Variants in SMAD5 observed in about 807,000 individuals in gnomAD.
SMAD5 encodes the protein SMAD family member 5, also known as MAD, mothers against decapentaplegic homolog 5.
Under a neutral mutation model 43.1 loss-of-function variants are expected in SMAD5, and 9 were observed. The observed-to-expected ratio is 0.21, with a 90% CI of 0.13 to 0.36. The LOEUF (loss-of-function observed/expected upper bound fraction) is 0.36, where lower values mean the gene tolerates loss of function less well. Ranked by LOEUF, SMAD5 falls within the 10% of genes least tolerant of loss-of-function variation. The probability of loss-of-function intolerance (pLI) is 1.00; values close to 1 mark genes in which losing one functional copy is unlikely to be tolerated. For synonymous variants in SMAD5, 190 were observed against 192.4 expected, an observed-to-expected ratio of 0.99 and a Z score of 0.10; for missense variants, 348 against 574.0, an observed-to-expected ratio of 0.61 and a Z score of 4.02.
chr5:136,176,252 G>C (rs1021560150), intron 7 of SMAD5, among the ~76,000 whole-genome samples: 9 of 151,542 alleles, frequency 5.9e-5, no homozygotes, highest in African/African-American at 2.2e-4. Flanking sequence ...TCAGGAGTTC[G>C]AGACCAGCCT....
rs146273597 is a variant in SMAD5 at position 136,175,039 on chromosome 5, C to A, written c.1254+407C>A. On this transcript the variant is annotated intron_variant, in intron 7 of 7. Coordinates refer to ENST00000545279, the MANE Select transcript of SMAD5 (RefSeq NM_005903.7). Reference sequence around the variant, plus strand: ...GGCTGGGGAAGCCTCACAATCATGGCGGAAGGTGAAGGAGGAGCAAAGTCA... The same window carrying A: ...GGCTGGGGAAGCCTCACAATCATGGAGGAAGGTGAAGGAGGAGCAAAGTCA... Among the ~76,000 whole-genome samples the A allele has an allele frequency of 1.0e-3, 154 of 151,218 alleles. 1 individual carries two copies. The highest frequency in any genetic ancestry group is 3.6e-3 in the African/African-American group (147 of 41,218).
intron 5 of SMAD5, among the ~76,000 whole-genome samples, chr5:136,165,663 T>A (rs965329435): frequency 1.0e-4 from 2 of 19,316 alleles, no homozygotes; most frequent in Non-Finnish European, 1.6e-4. Flanking sequence ...AATCATACAA[T>A]TTTTTTTTTT....
At chr5:136,169,830 A>G (rs1475001017) in intron 5 of SMAD5, among the ~76,000 whole-genome samples, 1 of 152,190 alleles carries the variant, frequency 6.6e-6, no homozygotes, top group Non-Finnish European at 1.5e-5. Context: ...GTGTAGTAGT[A>G]TCTCATAGTT....
chr5:136,153,050 A>G (rs972739298), intron 2 of SMAD5, among the ~76,000 whole-genome samples: 3 of 152,202 alleles, frequency 2.0e-5, no homozygotes, highest in Non-Finnish European at 2.9e-5. Context: ...GGTTTGGTAC[A>G]TCTTATACAA....
chr5:136,154,462 C>T (rs1451496579), intron 3 of SMAD5, among the ~76,000 whole-genome samples: 2 of 152,142 alleles, frequency 1.3e-5, no homozygotes, highest in Admixed American at 1.3e-4. Flanking sequence ...CAAGTGTGTA[C>T]TATATCCCAT....
intron 1 of SMAD5, among the ~76,000 whole-genome samples, chr5:136,142,199 A>T (rs1753104221): frequency 6.6e-6 from 1 of 152,146 alleles, no homozygotes; most frequent in Non-Finnish European, 1.5e-5. Context: ...AAATGTAAAA[A>T]CATAGGTGTG....
At position 136,160,109 on chromosome 5, in the gene SMAD5, TA is replaced by T. The variant is rs151187885; in HGVS notation, c.404-742del. ...GAATATTTGAATAAAGTTTATCTCT[TA>T]AAAATGTATCTGTTAAAAATGTTTA... On this transcript the variant is annotated intron_variant, in intron 3 of 7. Coordinates refer to ENST00000545279, the MANE Select transcript of SMAD5 (RefSeq NM_005903.7). Among the ~76,000 whole-genome samples the T allele has an allele frequency of 3.3e-3, 496 of 152,328 alleles. 7 individuals carry two copies. Among genetic ancestry groups the T allele is most frequent in the African/African-American group, 0.01 (434 of 41,582 alleles).
chr5:136,151,192 G>A (rs1003826870), intron 2 of SMAD5, among the ~76,000 whole-genome samples: 7 of 152,122 alleles, frequency 4.6e-5, no homozygotes, highest in Non-Finnish European at 1.5e-5. Flanking sequence ...GAGGGCAGAC[G>A]AGACTACCTG....
chr5:136,165,874 T>C (rs1314542581), intron 5 of SMAD5, among the ~76,000 whole-genome samples: 1 of 152,000 alleles, frequency 6.6e-6, no homozygotes, highest in East Asian at 1.9e-4. Context: ...TGAATAATAC[T>C]ACTGTGGACA....
intron 1 of SMAD5, among the ~76,000 whole-genome samples, chr5:136,138,115 A>G (rs1384510942): frequency 6.6e-6 from 1 of 152,202 alleles, no homozygotes; most frequent in African/African-American, 2.4e-5. Flanking sequence ...GGGGTGAGTG[A>G]TACATTTAGA....
At chr5:136,135,846 G>C (rs919654491) in intron 1 of SMAD5, among the ~76,000 whole-genome samples, 6 of 152,100 alleles carry the variant, frequency 3.9e-5, no homozygotes, top group Non-Finnish European at 5.9e-5. Flanking sequence ...TATATTCCTT[G>C]TATCTGTCTG....
rs908287904 is a variant in SMAD5 at position 136,182,416 on chromosome 5, A to G, written c.*4936A>G. ...TATTTTGAAATTCACTTATTTTAAA[A>G]TCGAAGAGGATTGTAATCATGGAAA... On this transcript the variant is annotated 3_prime_UTR_variant, in exon 8 of 8. Transcript: ENST00000545279. 1.1e-4 allele frequency: 17 copies of G among 152,468 alleles called. No individual in the cohort carries two copies. Among genetic ancestry groups the G allele is most frequent in the Non-Finnish European group, 2.1e-4 (14 of 68,030 alleles). 9.4% of individuals were successfully genotyped at this position (152,468 alleles called of 1,614,324 possible).
intron 5 of SMAD5, among the ~76,000 whole-genome samples, chr5:136,170,825 G>A (rs533585056): frequency 6.6e-6 from 1 of 152,050 alleles, no homozygotes; most frequent in South Asian, 2.1e-4. Flanking sequence ...TAATTTTGGG[G>A]ATACTAATGT....
At chr5:136,138,819 C>T (rs1752973155) in intron 1 of SMAD5, among the ~76,000 whole-genome samples, 1 of 152,098 alleles carries the variant, frequency 6.6e-6, no homozygotes, top group African/African-American at 2.4e-5. Context: ...GCAGTAAGGC[C>T]CTTCTGCCAA....
intron 5 of SMAD5, among the ~76,000 whole-genome samples, chr5:136,170,145 A>G (rs905964079): frequency 6.6e-6 from 1 of 152,038 alleles, no homozygotes; most frequent in Non-Finnish European, 1.5e-5. Flanking sequence ...AATTGTACCT[A>G]AAAAAAGGCA....
rs57433582 is a variant in SMAD5 at position 136,139,128 on chromosome 5, CTGTGTGTGTG to C, written c.-245+6188_-245+6197del. Among the ~76,000 whole-genome samples the C allele has an allele frequency of 1.7e-4, 24 of 140,480 alleles. No homozygotes were observed. The East Asian group carries it at 4.1e-3, about 24-fold the overall frequency. 92.2% of individuals were successfully genotyped at this position (140,480 alleles called of 152,430 possible). ...CACTTTAGAAATCTAGCTGTGAGCT[CTGTGTGTGTG>C]TGTGTGTGTGTGTGTGTGTGTCTTT... On this transcript the variant is annotated intron_variant, in intron 1 of 7. Coordinates refer to ENST00000545279, the MANE Select transcript of SMAD5 (RefSeq NM_005903.7).
In SMAD5 at chr5:136,177,809, T is replaced by A; in HGVS notation, c.*329T>A. ...TAAATTTATTTGAAAATGCATCACATGATGAAAAATTATAGTAGCTTATAA... is the reference window on the plus strand; with the variant it reads ...TAAATTTATTTGAAAATGCATCACAAGATGAAAAATTATAGTAGCTTATAA... On this transcript the variant is annotated 3_prime_UTR_variant, in exon 8 of 8. Transcript: ENST00000545279. The A allele has an allele frequency of 4.8e-6, 1 of 210,256 alleles. No individual in the cohort carries two copies. Among genetic ancestry groups the A allele is most frequent in the African/African-American group, 2.3e-5 (1 of 42,732 alleles). The allele number at this position is 210,256 out of a possible 1,614,324, so 13.0% of individuals were successfully genotyped here. A position where few individuals can be genotyped will look rare whatever the true frequency, so the allele number is the denominator to read the frequency against.
chr5:136,155,854 T>A (rs1306475720), intron 3 of SMAD5, among the ~76,000 whole-genome samples: 1 of 152,260 alleles, frequency 6.6e-6, no homozygotes. Flanking sequence ...TATATTGTTG[T>A]CTGGCACTTG....
rs149031066 is a variant in SMAD5, at chr5:136,164,232, T to C, written c.775+841T>C. Among the ~76,000 whole-genome samples, 5 of 152,252 alleles carry C rather than the reference T, an allele frequency of 3.3e-5. No individual in the cohort carries two copies. The East Asian group carries it at 9.6e-4, about 29-fold the overall frequency. ...CAAAAATCGCATGTAAGTCTTTTTGTGGATATTGTTTTATTTCTCTTGGAT... is the reference window on the plus strand; with the variant it reads ...CAAAAATCGCATGTAAGTCTTTTTGCGGATATTGTTTTATTTCTCTTGGAT... On this transcript the variant is annotated intron_variant, in intron 5 of 7. Coordinates refer to ENST00000545279, the MANE Select transcript of SMAD5 (RefSeq NM_005903.7).
Sources: allele counts gnomAD v4.1 joint callset (sites outside exome capture counted in the v4.1 genomes callset), GRCh38; gene constraint gnomAD v4.1.1; transcripts MANE v1.5; gene names NCBI Gene and HGNC (gene_info 2026-07-23, HGNC 2026-07-21).